Variants in SOX5 observed in about 807,000 individuals in gnomAD.
SOX5 encodes the protein SRY-box transcription factor 5.
SOX5 carries 9 observed loss-of-function variants against 92.0 expected under a neutral mutation model. The observed-to-expected ratio is 0.10, with a 90% confidence interval of 0.06 to 0.17. The LOEUF (loss-of-function observed/expected upper bound fraction) is 0.17, where lower values mean the gene tolerates loss of function less well. Ranked by LOEUF, SOX5 falls within the 10% of genes least tolerant of loss-of-function variation. The pLI, the probability that SOX5 is intolerant of heterozygous loss-of-function variation, is 1.00. For synonymous variants in SOX5, 344 were observed against 336.3 expected (o/e 1.02, Z -0.25); for missense variants, 642 against 944.5 (o/e 0.68, Z 4.20).
At chr12:24,263,479 G>A (rs1390200496) in intron 3 of SOX5, among the ~76,000 whole-genome samples, 2 of 132,578 alleles carry the variant, frequency 1.5e-5, no homozygotes, top group Non-Finnish European at 3.1e-5. Context: ...AGCGAACCGA[G>A]GCCGTGTCAC....
intron 4 of SOX5, among the ~76,000 whole-genome samples, chr12:24,088,236 T>C (rs996362309): frequency 6.6e-6 from 1 of 152,110 alleles, no homozygotes; most frequent in Non-Finnish European, 1.5e-5. Context: ...AGAGTAAACA[T>C]AGATTTTAGG....
chr12:23,788,768 A>C (rs528620881), intron 3 of SOX5, among the ~76,000 whole-genome samples: 1 of 152,096 alleles, frequency 6.6e-6, no homozygotes, highest in East Asian at 1.9e-4. Context: ...TGATGAAATA[A>C]GTAATTTCAT....
At chr12:23,803,246 C>T (rs1280913532) in intron 3 of SOX5, among the ~76,000 whole-genome samples, 1 of 152,118 alleles carries the variant, frequency 6.6e-6, no homozygotes, top group Admixed American at 6.6e-5. Context: ...CTCAGTATGG[C>T]CCACTGTTAC....
intron 1 of SOX5, among the ~76,000 whole-genome samples, chr12:24,519,389 G>C (rs1453620339): frequency 1.3e-5 from 2 of 152,036 alleles, no homozygotes; most frequent in East Asian, 3.9e-4. Flanking sequence ...AAGGTAAAGA[G>C]GAGATGTGTA....
At chr12:23,904,212 T>C (rs1166453365) in intron 1 of SOX5, among the ~76,000 whole-genome samples, 1 of 152,180 alleles carries the variant, frequency 6.6e-6, no homozygotes, top group Non-Finnish European at 1.5e-5. Context: ...ATGGTAAACA[T>C]GCAGTCTTTC....
chr12:24,520,360 G>C (rs928718906), intron 1 of SOX5, among the ~76,000 whole-genome samples: 2 of 152,038 alleles, frequency 1.3e-5, no homozygotes, highest in Non-Finnish European at 2.9e-5. Flanking sequence ...AGGAGAGAGT[G>C]AAAGTATGGT....
chr12:24,277,047 C>T (rs1944513511), intron 3 of SOX5, among the ~76,000 whole-genome samples: 1 of 151,944 alleles, frequency 6.6e-6, no homozygotes, highest in Admixed American at 6.6e-5. Context: ...ATTAAAAAGC[C>T]AGTTGTCATC....
rs151297719 is a variant in SOX5 at position 24,413,899 on chromosome 12, T to C, written c.-250-45260A>G. On this transcript the variant is annotated intron_variant, in intron 1 of 4. Coordinates refer to the SOX5 transcript ENST00000446891. ...CCACATTATGCAGTTTTGCTCACTT[T>C]AAATGTAAAAACACTTGAGTGTGTG... 7.2e-5 allele frequency among the ~76,000 whole-genome samples: 11 copies of C among 152,332 alleles called. 1 individual carries two copies. In the East Asian group the frequency reaches 1.9e-3, roughly 27 times the overall value.
At chr12:24,345,519 G>A (rs527684552) in intron 2 of SOX5, among the ~76,000 whole-genome samples, 56 of 152,270 alleles carry the variant, frequency 3.7e-4, no homozygotes, top group African/African-American at 1.2e-3. Context: ...TTAAAAGCTC[G>A]TTGAGAACAG....
intron 1 of SOX5, among the ~76,000 whole-genome samples, chr12:24,441,828 T>C (rs1323880502): frequency 1.3e-5 from 2 of 152,220 alleles, no homozygotes; most frequent in Non-Finnish European, 2.9e-5. Flanking sequence ...CCCAGTCTGT[T>C]GGAACGGCAC....
intron 4 of SOX5, among the ~76,000 whole-genome samples, chr12:23,981,090 T>C (rs1949529250): frequency 6.6e-6 from 1 of 152,150 alleles, no homozygotes; most frequent in African/African-American, 2.4e-5. Context: ...TTCCATAACA[T>C]GTTTGAATTA....
At chr12:23,987,841 G>C (rs1434308585) in intron 4 of SOX5, among the ~76,000 whole-genome samples, 1 of 152,076 alleles carries the variant, frequency 6.6e-6, no homozygotes, top group Non-Finnish European at 1.5e-5. Flanking sequence ...TAAAATAGAT[G>C]ATGGGAATTC....
At chr12:24,028,461 A>G (rs763849654) in intron 4 of SOX5, among the ~76,000 whole-genome samples, 13 of 152,016 alleles carry the variant, frequency 8.6e-5, no homozygotes, top group Admixed American at 2.0e-4. Context: ...GGACAACAGA[A>G]AACCATATAT....
chr12:24,000,969 A>G (rs1208245796), intron 4 of SOX5, among the ~76,000 whole-genome samples: 2 of 152,224 alleles, frequency 1.3e-5, no homozygotes, highest in Non-Finnish European at 2.9e-5. Context: ...TGCTTCTTCC[A>G]GCAGAATACA....
chr12:24,315,808 GT>G (rs1949645779), intron 2 of SOX5, among the ~76,000 whole-genome samples: 1 of 152,172 alleles, frequency 6.6e-6, no homozygotes, highest in South Asian at 2.1e-4. Context: ...CTAGCACGTG[GT>G]CCTCTTTATT....
rs2094094021 is a variant in SOX5 at position 23,748,931 on chromosome 12, A to C, written c.568+6707T>G. 3.9e-5 allele frequency among the ~76,000 whole-genome samples: 6 copies of C among 151,964 alleles called. No homozygotes were observed. The South Asian group carries it at 1.0e-3, about 26-fold the overall frequency. Reference sequence around the variant, plus strand: ...CTAAATACTAATGGTATTTGCTACCATTATATCTCCAGAGCTACCACATGG... The same window carrying C: ...CTAAATACTAATGGTATTTGCTACCCTTATATCTCCAGAGCTACCACATGG... On this transcript the variant is annotated intron_variant, in intron 4 of 14. Transcript: ENST00000451604.
At chr12:23,702,216 T>G (rs1202601695) in intron 6 of SOX5, among the ~76,000 whole-genome samples, 1 of 152,102 alleles carries the variant, frequency 6.6e-6, no homozygotes, top group Admixed American at 6.6e-5. Context: ...TATTAAATAA[T>G]TTAAAGGACT....
chr12:23,902,679 T>C (rs2097249027), intron 1 of SOX5, among the ~76,000 whole-genome samples: 1 of 152,206 alleles, frequency 6.6e-6, no homozygotes, highest in Non-Finnish European at 1.5e-5. Flanking sequence ...CTGTATCATG[T>C]AGCGTGTCTT....
intron 4 of SOX5, among the ~76,000 whole-genome samples, chr12:24,099,669 A>C (rs1945846612): frequency 6.6e-6 from 1 of 152,158 alleles, no homozygotes; most frequent in Non-Finnish European, 1.5e-5. Flanking sequence ...GGGTAGCATA[A>C]CATATCATGT....
Sources: gnomAD v4.1 joint callset for allele counts (sites outside exome capture counted in the v4.1 genomes callset) on GRCh38, gnomAD v4.1.1 for gene constraint, MANE v1.5 for transcripts, NCBI Gene and HGNC (gene_info 2026-07-23, HGNC 2026-07-21) for gene names.